Variants in ZNF25 observed in about 807,000 individuals in gnomAD.
The protein encoded by ZNF25 is zinc finger protein 25 (KOX 19).
Under a neutral mutation model 30.9 loss-of-function variants are expected in ZNF25, and 21 were observed. That is an observed-to-expected ratio of 0.68 (90% CI 0.48 to 0.98). The LOEUF (loss-of-function observed/expected upper bound fraction) is 0.98, where lower values mean the gene tolerates loss of function less well. Ranked by LOEUF, ZNF25 falls within the 50% of genes least tolerant of loss-of-function variation. The probability of loss-of-function intolerance (pLI) is 0.00; values close to 1 mark genes in which losing one functional copy is unlikely to be tolerated. For missense variants in ZNF25, 501 were observed against 529.9 expected (o/e 0.95, Z 0.54); for synonymous variants, 169 against 181.3 (o/e 0.93, Z 0.55).
rs374247794 is a variant in ZNF25 at position 37,952,505 on chromosome 10, T to C, written c.993A>G (p.Val331=). The C allele has an allele frequency of 1.9e-6, 3 of 1,614,026 alleles. No individual in the cohort carries two copies. The highest frequency in any genetic ancestry group is 1.7e-6 in the Non-Finnish European group (2 of 1,179,958). ...KCFYQKSALT[V]HQRTHTGEKP... is the part of the protein sequence containing the mutation. ...TCTCCCCTGTGTGAGTTCGCTGATG[T>C]ACTGTGAGGGCTGACTTCTGGTAGA... is the stretch of plus-strand genomic sequence containing the variant. The change falls in exon 6 of 6, where the codon GTA becomes GTG. Residue 331 remains valine (V), a synonymous_variant. Coordinates refer to ENST00000302609, the MANE Select transcript of ZNF25 (RefSeq NM_145011.4).
chr10:37,956,193 T>C (rs749258689), intron 4 of ZNF25, among the ~76,000 whole-genome samples: 1 of 152,144 alleles, frequency 6.6e-6, no homozygotes, highest in Non-Finnish European at 1.5e-5. Flanking sequence ...ATAAACACTG[T>C]ATAGCAGGAA....
At chr10:37,973,867 C>A (rs527728461) in intron 1 of ZNF25, among the ~76,000 whole-genome samples, 11 of 152,140 alleles carry the variant, frequency 7.2e-5, no homozygotes, top group Admixed American at 2.0e-4. Flanking sequence ...ATTGTACTAC[C>A]AGACTTCAAA....
intron 2 of ZNF25, among the ~76,000 whole-genome samples, chr10:37,970,519 C>T (rs1455147689): frequency 6.6e-6 from 1 of 152,146 alleles, no homozygotes; most frequent in African/African-American, 2.4e-5. Context: ...TTATACCATC[C>T]TTATTATTGA....
At chr10:37,967,931 T>C (rs1034184063) in intron 2 of ZNF25, 2 of 152,234 alleles carry the variant, frequency 1.3e-5, no homozygotes, top group Admixed American at 6.5e-5. Context: ...AATTTGGCAA[T>C]GGATTCTTCT....
intron 2 of ZNF25, among the ~76,000 whole-genome samples, chr10:37,963,479 C>T (rs371880443): frequency 2.6e-5 from 4 of 152,240 alleles, no homozygotes; most frequent in African/African-American, 9.6e-5. Flanking sequence ...AAATGTGTGG[C>T]ACTTTTTTCT....
intron 2 of ZNF25, among the ~76,000 whole-genome samples, chr10:37,961,250 C>T (rs919948148): frequency 6.6e-6 from 1 of 152,140 alleles, no homozygotes; most frequent in Non-Finnish European, 1.5e-5. Flanking sequence ...ACATTTTATT[C>T]GTTGAAATAC....
chr10:37,969,023 G>C (rs1344692141), intron 2 of ZNF25, among the ~76,000 whole-genome samples: 2 of 151,992 alleles, frequency 1.3e-5, no homozygotes, highest in Admixed American at 1.3e-4. Context: ...AAGCACAATA[G>C]AAGATGTTCA....
In ZNF25 at chr10:37,950,186, G is replaced by C. The variant is rs1242754977; in HGVS notation, c.*1941C>G. On this transcript the variant is annotated 3_prime_UTR_variant, in exon 6 of 6. Coordinates refer to ENST00000302609, the MANE Select transcript of ZNF25 (RefSeq NM_145011.4). ...TAGATCTTAGGCTCAAGGGCATGTG[G>C]TGTCTGCTACAACTACTCAACTCTG... The C allele has an allele frequency of 1.3e-5, 2 of 152,588 alleles. No individual in the cohort carries two copies. The highest frequency in any genetic ancestry group is 1.3e-4 in the Admixed American group (2 of 15,256). 9.5% of individuals were successfully genotyped at this position (152,588 alleles called of 1,614,324 possible).
intron 1 of ZNF25, among the ~76,000 whole-genome samples, chr10:37,975,700 G>T (rs1045572497): frequency 6.6e-6 from 1 of 152,190 alleles, no homozygotes; most frequent in Non-Finnish European, 1.5e-5. Flanking sequence ...GATGCAGGAA[G>T]GCCTTAAATA....
Position 37,953,111 on chromosome 10 carries a change from C to T in ZNF25, c.387G>A (p.Gln129=). 6.2e-7 allele frequency: 1 copy of T among 1,613,510 alleles called. No homozygotes were observed. The highest frequency in any genetic ancestry group is 8.5e-7 in the Non-Finnish European group (1 of 1,179,896). The part of the protein sequence containing the change: ...ECKECGKFFC[Q]KSALIVHQHT... The stretch of plus-strand genomic sequence containing the variant: ...GCTGATGTACTATGAGGGCAGACTT[C>T]TGGCAGAAGAACTTCCCACATTCCT... Residue 129 remains glutamine, a synonymous_variant, in exon 6 of 6, where the codon CAG becomes CAA. Coordinates refer to ENST00000302609, the MANE Select transcript of ZNF25 (RefSeq NM_145011.4).
chr10:37,972,463 A>G (rs573635930), intron 1 of ZNF25, among the ~76,000 whole-genome samples: 283 of 152,252 alleles, frequency 1.9e-3, no homozygotes, highest in Non-Finnish European at 3.2e-3. Context: ...CTACTTCTAT[A>G]TATCTTCACC....
intron 2 of ZNF25, among the ~76,000 whole-genome samples, chr10:37,958,839 G>A (rs2062687645): frequency 6.6e-6 from 1 of 152,110 alleles, no homozygotes; most frequent in Non-Finnish European, 1.5e-5. Context: ...CCTGAAGGCA[G>A]GAGTTTGAGA....
Position 37,953,727 on chromosome 10 carries a change from T to TG in ZNF25, c.269dup (p.Arg91LysfsTer29), listed in dbSNP as rs1484377188. On this transcript the variant is annotated frameshift_variant, in exon 5 of 6. Coordinates refer to ENST00000302609, the MANE Select transcript of ZNF25 (RefSeq NM_145011.4). LOFTEE classifies it low-confidence loss of function (END_TRUNC). Reference sequence around the variant, plus strand: ...TTCCAGCTTGGCTTTCCTGGTATCTTGCTTCTAGATCATGAATGCTCCATA... The same window carrying TG: ...TTCCAGCTTGGCTTTCCTGGTATCTTGGCTTCTAGATCATGAATGCTCCATA... The TG allele has an allele frequency of 6.2e-7, 1 of 1,614,052 alleles. No homozygotes were observed. Among genetic ancestry groups the TG allele is most frequent in the Admixed American group, 1.7e-5 (1 of 60,006 alleles).
chr10:37,961,788 G>A (rs2062890837), intron 2 of ZNF25, among the ~76,000 whole-genome samples: 1 of 151,942 alleles, frequency 6.6e-6, no homozygotes, highest in African/African-American at 2.4e-5. Flanking sequence ...AGGCGTGGTG[G>A]CTCATGCCTG....
rs1188383626 is a variant in ZNF25 at position 37,952,682 on chromosome 10, G to A, written c.816C>T (p.His272=). Residue 272 remains histidine (H), a synonymous_variant, in exon 6 of 6, where the codon CAC becomes CAT. Transcript: ENST00000302609. ...TGTGCATTCTCTGATGTACTGTGAG[G>A]TGTGACTTCTGGGAAAAGGCTTTCC... ...ECGKAFSQKS[H]LTVHQRMHTG... The A allele has an allele frequency of 3.7e-6, 6 of 1,611,972 alleles. No individual in the cohort carries two copies. The highest frequency in any genetic ancestry group is 5.1e-6 in the Non-Finnish European group (6 of 1,179,336).
chr10:37,970,560 G>A (rs1227872122), intron 2 of ZNF25, among the ~76,000 whole-genome samples: 2 of 152,056 alleles, frequency 1.3e-5, no homozygotes, highest in Non-Finnish European at 2.9e-5. Flanking sequence ...CTAAGGTCAG[G>A]TTTCATTATG....
intron 2 of ZNF25, among the ~76,000 whole-genome samples, chr10:37,966,290 T>C (rs2063180359): frequency 1.3e-5 from 2 of 152,012 alleles, no homozygotes. Flanking sequence ...GGCATGCACC[T>C]ATAATCCCAG....
rs764077154 is a variant in ZNF25, at chr10:37,953,774, A to G, written c.239-16T>C. 1 of 1,606,502 alleles carries G rather than the reference A, an allele frequency of 6.2e-7. No homozygotes were observed. The highest frequency in any genetic ancestry group is 1.1e-5 in the South Asian group (1 of 90,864). ...CATAGGTCTTCTACAAGGGAACCAA[A>G]AATGTAATACTTTATAAATACTACA... On this transcript the variant is annotated splice_polypyrimidine_tract_variant and intron_variant, in intron 4 of 5. Transcript: ENST00000302609.
chr10:37,952,220 A>C lies in ZNF25; in HGVS notation c.1278T>G (p.Tyr426Ter). 16 of 1,614,100 alleles carry C rather than the reference A, an allele frequency of 9.9e-6. No homozygotes were observed. The highest frequency in any genetic ancestry group is 1.3e-5 in the Non-Finnish European group (15 of 1,179,964). Residue 426 changes from tyrosine to a stop codon, truncating the protein, a stop_gained, in exon 6 of 6, where the codon TAT (tyrosine) becomes TAG (stop). Transcript: ENST00000302609. LOFTEE classifies it low-confidence loss of function (END_TRUNC). Reference sequence around the variant, plus strand: ...AGGTTTCCCCACACTCCTGACACTCATAGGGCTTCTCCCCTGTGTGTTTTC... The same window carrying C: ...AGGTTTCCCCACACTCCTGACACTCCTAGGGCTTCTCCCCTGTGTGTTTTC... The part of the protein sequence containing the change: ...HQRKHTGEKP[Y>*]ECQECGETFI...
Sources: gnomAD v4.1 joint callset for allele counts (sites outside exome capture counted in the v4.1 genomes callset) on GRCh38, gnomAD v4.1.1 for gene constraint, MANE v1.5 for transcripts, NCBI Gene and HGNC (gene_info 2026-07-23, HGNC 2026-07-21) for gene names.